The following POF1B variants were observed in gnomAD, a reference collection of about 807,000 sequenced individuals.
POF1B encodes the protein POF1B actin binding protein.
In POF1B, 53 loss-of-function variants were observed where a neutral mutation model predicts 55.3. That is an observed-to-expected ratio of 0.96 (90% CI 0.77 to 1.20). The LOEUF is 1.20. Among genes scored for constraint, POF1B ranks in the 50% most tolerant of loss-of-function variants. POF1B has a pLI of 0.00. For synonymous variants in POF1B, 188 were observed against 148.3 expected (o/e 1.27, Z -1.95); for missense variants, 478 against 420.5 (o/e 1.14, Z -1.20).
intron 16 of POF1B, 91 bp from the exon 17 acceptor site, chrX:85,279,517 G>C (rs1931851720): frequency 1.1e-6 from 1 of 913,726 alleles, no homozygotes; most frequent in African/African-American, 2.0e-5. Context: ...TATTTAAATT[G>C]GTATGTATAA....
chrX:85,314,325 G>T, intron 9 of POF1B, 107 bp downstream of exon 9: 1 of 598,663 alleles, frequency 1.7e-6, no homozygotes, highest in Non-Finnish European at 2.5e-6. Context: ...TCAACTCTTA[G>T]GAAATAAGAT....
intron 7 of POF1B, among the ~76,000 whole-genome samples, chrX:85,322,610 A>C (rs1418733363): frequency 2.7e-5 from 3 of 111,887 alleles, no homozygotes; most frequent in Middle Eastern, 4.2e-3. Flanking sequence ...TAATTAAACT[A>C]AAGAGCTTCT....
At chrX:85,301,840 C>T (rs1932465792) in intron 15 of POF1B, among the ~76,000 whole-genome samples, 1 of 111,266 alleles carries the variant, frequency 9.0e-6, no homozygotes, top group African/African-American at 3.3e-5. Context: ...TTAAATATTC[C>T]AGCTAAAAGC....
At chrX:85,320,464 C>T (rs1209167230) in intron 7 of POF1B, among the ~76,000 whole-genome samples, 2 of 110,554 alleles carry the variant, frequency 1.8e-5, no homozygotes, top group Non-Finnish European at 3.8e-5. Context: ...AAATTTATAG[C>T]ACTAAATGCC....
At position 85,282,322 on chromosome X, in the gene POF1B, T is replaced by G. The variant is rs754642308; in HGVS notation, c.1650-5A>C. 2.7e-6 allele frequency: 3 copies of G among 1,105,523 alleles called. No homozygotes were observed. The African/African-American group carries it at 5.7e-5, about 21-fold the overall frequency. The allele number at this position is 1,105,523 out of a possible 1,213,427, so 91.1% of individuals were successfully genotyped here. ...ATTGGATATTGTGTCCTGTACCTGT[T>G]GGCAAGAAAAGAGTTAGTTTACAGG... is the stretch of plus-strand genomic sequence containing the variant. On this transcript the variant is annotated splice_region_variant and splice_polypyrimidine_tract_variant and intron_variant, in intron 15 of 16. Transcript: ENST00000262753.
At chrX:85,321,251 A>C (rs1932835106) in intron 7 of POF1B, among the ~76,000 whole-genome samples, 1 of 111,176 alleles carries the variant, frequency 9.0e-6, no homozygotes, top group Admixed American at 9.6e-5. Flanking sequence ...ACCATGATCA[A>C]GTGGGCTTCA....
At chrX:85,342,649 T>G (rs7876133) in intron 6 of POF1B, among the ~76,000 whole-genome samples, 1,614 of 111,610 alleles carry the variant, frequency 0.014, 14 homozygotes, top group East Asian at 0.056. Context: ...ATAATTAAAT[T>G]GAATGCCTGT....
intron 4 of POF1B, among the ~76,000 whole-genome samples, 174 bp downstream of exon 4, chrX:85,359,376 C>T (rs758889911): frequency 9.0e-6 from 1 of 111,373 alleles, no homozygotes; most frequent in South Asian, 3.7e-4. Context: ...TATATAGACT[C>T]ATGGTTGTTT....
At chrX:85,298,574 C>A (rs1217643072) in intron 15 of POF1B, among the ~76,000 whole-genome samples, 1 of 111,664 alleles carries the variant, frequency 9.0e-6, no homozygotes, top group Non-Finnish European at 1.9e-5. Context: ...TCAGTGTTTT[C>A]TCTCCAAAGA....
At chrX:85,339,718 C>A (rs1933137531) in intron 6 of POF1B, among the ~76,000 whole-genome samples, 1 of 110,408 alleles carries the variant, frequency 9.1e-6, no homozygotes, top group African/African-American at 3.3e-5. Flanking sequence ...ATGAAGGGAA[C>A]AAAAGAGATG....
At chrX:85,301,956 A>G (rs1218138812) in intron 15 of POF1B, among the ~76,000 whole-genome samples, 1 of 111,666 alleles carries the variant, frequency 9.0e-6, no homozygotes, top group African/African-American at 3.2e-5. Flanking sequence ...ACAGAAAAAG[A>G]TATTTCATAC....
chrX:85,376,167 C>T (rs986030433), intron 2 of POF1B, among the ~76,000 whole-genome samples: 1 of 111,421 alleles, frequency 9.0e-6, no homozygotes, highest in Non-Finnish European at 1.9e-5. Context: ...TCCATTTTTT[C>T]TCTCTCACAT....
intron 6 of POF1B, among the ~76,000 whole-genome samples, chrX:85,337,788 C>T (rs1933102292): frequency 9.0e-6 from 1 of 111,647 alleles, no homozygotes. Flanking sequence ...TTCCATTTCC[C>T]ATTTGTGAGT....
At chrX:85,289,917 G>T (rs968344834) in intron 15 of POF1B, among the ~76,000 whole-genome samples, 5 of 111,406 alleles carry the variant, frequency 4.5e-5, no homozygotes, top group Admixed American at 2.9e-4. Flanking sequence ...GACACATAAA[G>T]GGAGGGAGGA....
At chrX:85,341,738 A>T (rs1489932127) in intron 6 of POF1B, among the ~76,000 whole-genome samples, 1 of 111,036 alleles carries the variant, frequency 9.0e-6, no homozygotes, top group Non-Finnish European at 1.9e-5. Context: ...CCAGCCCTGA[A>T]ATTCTATCAT....
intron 2 of POF1B, among the ~76,000 whole-genome samples, chrX:85,372,602 A>G (rs1933847992): frequency 9.4e-6 from 1 of 106,921 alleles, no homozygotes; most frequent in Admixed American, 1.0e-4. Context: ...GACGGATAAC[A>G]TTAGGAGAAA....
Position 85,367,757 on chromosome X carries a change from A to C in POF1B, c.292T>G (p.Ser98Ala). 1 of 1,143,303 alleles carries C rather than the reference A, an allele frequency of 8.7e-7. No individual in the cohort carries two copies. Among genetic ancestry groups the C allele is most frequent in the Non-Finnish European group, 1.2e-6 (1 of 852,233 alleles). 94.2% of individuals were successfully genotyped at this position (1,143,303 alleles called of 1,213,427 possible). A position where few individuals can be genotyped will look rare whatever the true frequency, so the allele number is the denominator to read the frequency against. ...VWSDHSQELH[S>A]PTLKISTCAP... is the part of the protein sequence containing the mutation. ...CATGTAGATATTTTTAAAGTTGGAG[A>C]ATGGAGTTCCTGTTAAGAGAAACAA... Residue 98 changes from serine (S) to alanine (A), a missense_variant, in exon 3 of 17, where the codon TCT becomes GCT. Coordinates refer to ENST00000262753, the MANE Select transcript of POF1B (RefSeq NM_024921.4).
At chrX:85,371,931 A>G (rs1184742543) in intron 2 of POF1B, among the ~76,000 whole-genome samples, 1 of 112,350 alleles carries the variant, frequency 8.9e-6, no homozygotes, top group African/African-American at 3.2e-5. Flanking sequence ...TTTTGCAGGA[A>G]GACCTTACTT....
intron 15 of POF1B, among the ~76,000 whole-genome samples, chrX:85,299,662 G>T (rs774290553): frequency 1.0e-5 from 1 of 99,810 alleles, no homozygotes; most frequent in African/African-American, 3.9e-5. Flanking sequence ...CCGCCACCAC[G>T]CCTGGCTAAT....
Sources: allele counts gnomAD v4.1 joint callset (sites outside exome capture counted in the v4.1 genomes callset), GRCh38; gene constraint gnomAD v4.1.1; transcripts MANE v1.5; gene names NCBI Gene and HGNC (gene_info 2026-07-23, HGNC 2026-07-21).